NAP1L4: variants seen among roughly 807,000 people sequenced by gnomAD.
The protein encoded by NAP1L4 is nucleosome assembly protein 1 like 4.
A neutral mutation model predicts 58.2 loss-of-function variants in NAP1L4; 15 were observed. The ratio of observed to expected loss-of-function variants is 0.26; its 90% CI spans 0.17 to 0.40. NAP1L4 has a LOEUF of 0.40. NAP1L4 is among the 10% of genes least tolerant of loss of function. NAP1L4 has a pLI of 1.00. For synonymous variants in NAP1L4, 171 were observed against 155.6 expected (o/e 1.10, Z -0.74); for missense variants, 384 against 451.1 (o/e 0.85, Z 1.35).
In NAP1L4 at chr11:2,954,461, C is replaced by A; in HGVS notation, c.1035+66G>T. On this transcript the variant is annotated intron_variant, in intron 12 of 15. Coordinates refer to ENST00000380542, the MANE Select transcript of NAP1L4 (RefSeq NM_005969.4). This position sits in a 1 kb window ranked among gnomAD's most constrained non-coding sequence, Gnocchi z 4.8. ...CATGGGGGTTTCCTAAGCCACAATT[C>A]AGGGCCACTCTGCACCAACAGAGAT... is the stretch of plus-strand genomic sequence containing the variant. The A allele has an allele frequency of 6.2e-7, 1 of 1,610,036 alleles. No individual in the cohort carries two copies. Among genetic ancestry groups the A allele is most frequent in the Non-Finnish European group, 8.5e-7 (1 of 1,176,734 alleles).
rs997694548 is a variant in NAP1L4 at position 2,946,964 on chromosome 11, G to C, written c.*33-1318C>G. On this transcript the variant is annotated intron_variant, in intron 15 of 15. Coordinates refer to ENST00000380542, the MANE Select transcript of NAP1L4 (RefSeq NM_005969.4). The surrounding 1 kb of genome is among the most constrained non-coding windows in gnomAD (Gnocchi z 4.8). ...GACAAGCAGTGTGCCTCCACCAAGG[G>C]ACTCGCCTAGAAAATGGGATGTCAG... Among the ~76,000 whole-genome samples, 3 of 152,214 alleles carry C rather than the reference G, an allele frequency of 2.0e-5. No individual in the cohort carries two copies. The highest frequency in any genetic ancestry group is 2.9e-5 in the Non-Finnish European group (2 of 68,042).
chr11:2,984,229 C>T (rs370584136), intron 1 of NAP1L4, among the ~76,000 whole-genome samples: 10 of 150,892 alleles, frequency 6.6e-5, no homozygotes, highest in Non-Finnish European at 8.8e-5. Flanking sequence ...CTCACCACCA[C>T]GACCACAGCA....
At chr11:2,972,371 A>C in intron 4 of NAP1L4, 128 bp from the exon 5 acceptor site, 1 of 719,232 alleles carries the variant, frequency 1.4e-6, no homozygotes, top group East Asian at 3.3e-5. Context: ...AGACCTCTTA[A>C]AAATTAAGAA....
intron 1 of NAP1L4, chr11:2,988,037 G>A (rs1419678072): frequency 1.3e-5 from 2 of 152,232 alleles, no homozygotes; most frequent in African/African-American, 2.4e-5. Flanking sequence ...CACTGCCTTA[G>A]TCATTCATGT....
At chr11:2,990,416 T>G (rs910247342) in intron 1 of NAP1L4, 5 of 152,214 alleles carry the variant, frequency 3.3e-5, no homozygotes, top group Admixed American at 2.0e-4. Context: ...CCACGTTGCT[T>G]TCTCTGAACT....
At chr11:2,985,779 T>C (rs1237800648) in intron 1 of NAP1L4, among the ~76,000 whole-genome samples, 1 of 152,228 alleles carries the variant, frequency 6.6e-6, no homozygotes, top group Non-Finnish European at 1.5e-5. Context: ...TTTTCTAAAG[T>C]TCAGGTTCCC....
intron 12 of NAP1L4, chr11:2,952,845 G>A (rs1432397244): frequency 6.6e-6 from 1 of 152,306 alleles, no homozygotes; most frequent in Non-Finnish European, 1.5e-5. Context: ...CACCTGGGCA[G>A]AGCAGGAGCT....
intron 1 of NAP1L4, among the ~76,000 whole-genome samples, chr11:2,985,523 T>C (rs987484277): frequency 4.6e-5 from 7 of 152,222 alleles, no homozygotes; most frequent in East Asian, 3.8e-4. Flanking sequence ...CTGGTGACTA[T>C]AGTTAACAAC....
chr11:2,957,209 A>G (rs775357393), intron 10 of NAP1L4, among the ~76,000 whole-genome samples: 12 of 152,186 alleles, frequency 7.9e-5, no homozygotes, highest in Non-Finnish European at 1.3e-4. Context: ...TCCCTTCTTC[A>G]CGCTGAATTC....
intron 4 of NAP1L4, among the ~76,000 whole-genome samples, chr11:2,973,168 AG>A (rs1451889996): frequency 1.3e-5 from 2 of 152,240 alleles, no homozygotes; most frequent in Non-Finnish European, 2.9e-5. Flanking sequence ...AAAAAATCTG[AG>A]AAACACAGAC....
Position 2,951,049 on chromosome 11 carries a change from G to T in NAP1L4, c.1122+210C>A. ...AATAAGACACAGCTTGAGACAGCTG[G>T]AAAAGCTTCTACTGAGTATGTACAC... On this transcript the variant is annotated intron_variant, in intron 14 of 15. Transcript: ENST00000380542. The surrounding 1 kb of genome is among the most constrained non-coding windows in gnomAD (Gnocchi z 4.0). The T allele has an allele frequency of 1.9e-6, 1 of 527,486 alleles. No individual in the cohort carries two copies. Among genetic ancestry groups the T allele is most frequent in the East Asian group, 3.1e-5 (1 of 32,716 alleles). 32.7% of individuals were successfully genotyped at this position (527,486 alleles called of 1,614,324 possible).
chr11:2,981,461 A>C (rs1848307027), intron 1 of NAP1L4, among the ~76,000 whole-genome samples: 1 of 149,780 alleles, frequency 6.7e-6, no homozygotes, highest in Non-Finnish European at 1.5e-5. Context: ...TAAACCCTAC[A>C]ATGGCTGGCT....
At chr11:2,977,532 G>C (rs1224106492) in intron 3 of NAP1L4, among the ~76,000 whole-genome samples, 1 of 152,192 alleles carries the variant, frequency 6.6e-6, no homozygotes, top group African/African-American at 2.4e-5. Context: ...AAAAGGTAGG[G>C]AGATGACTCT....
chr11:2,947,285 T>C (rs779399650), intron 15 of NAP1L4, among the ~76,000 whole-genome samples: 1 of 152,206 alleles, frequency 6.6e-6, no homozygotes, highest in Non-Finnish European at 1.5e-5. Flanking sequence ...ACCACGAGAA[T>C]GTAGTATTCA....
At chr11:2,975,697 A>C (rs1443405891) in intron 4 of NAP1L4, among the ~76,000 whole-genome samples, 1 of 151,908 alleles carries the variant, frequency 6.6e-6, no homozygotes, top group Non-Finnish European at 1.5e-5. Flanking sequence ...TAAGTCAGGA[A>C]GGAGTGGTTC....
intron 4 of NAP1L4, among the ~76,000 whole-genome samples, chr11:2,973,668 G>A (rs940311979): frequency 4.6e-5 from 7 of 152,046 alleles, no homozygotes; most frequent in African/African-American, 2.4e-5. Flanking sequence ...TAACATTCTA[G>A]AACTACTGCT....
rs928397201 is a variant in NAP1L4 at position 2,958,523 on chromosome 11, T to C, written c.768A>G (p.Lys256=). The C allele has an allele frequency of 6.2e-7, 1 of 1,614,094 alleles. No homozygotes were observed. Among genetic ancestry groups the C allele is most frequent in the Non-Finnish European group, 8.5e-7 (1 of 1,180,004 alleles). The change falls in exon 10 of 16, where the codon AAA becomes AAG. Residue 256 remains lysine, a synonymous_variant. Coordinates refer to ENST00000380542, the MANE Select transcript of NAP1L4 (RefSeq NM_005969.4). ...DCDGCTIDWK[K]GKNVTVKTIK... ...TGGTTTTGACAGTAACATTCTTTCC[T>C]TTCTTCCAGTCAATAGTACACCTAC...
In NAP1L4 at chr11:2,954,882, G is replaced by A. The variant is rs1215170944; in HGVS notation, c.916-236C>T. The A allele has an allele frequency of 3.5e-6, 2 of 575,542 alleles. No homozygotes were observed. The highest frequency in any genetic ancestry group is 4.0e-5 in the South Asian group (2 of 49,896). 35.7% of individuals were successfully genotyped at this position (575,542 alleles called of 1,614,324 possible). A position where few individuals can be genotyped will look rare whatever the true frequency, so the allele number is the denominator to read the frequency against. On this transcript the variant is annotated intron_variant, in intron 11 of 15. Transcript: ENST00000380542. This position sits in a 1 kb window ranked among gnomAD's most constrained non-coding sequence, Gnocchi z 4.8. ...GAAAGTGGGAAGTGAGGGCCCTACA[G>A]CTCCACAACTTGTCCAAAGGTCTCA...
chr11:2,978,691 T>C (rs1848119414), intron 2 of NAP1L4, among the ~76,000 whole-genome samples: 1 of 152,226 alleles, frequency 6.6e-6, no homozygotes, highest in African/African-American at 2.4e-5. Flanking sequence ...ATGTTACTGT[T>C]TGGTCAGCTG....
Sources: gnomAD v4.1 joint callset for allele counts (sites outside exome capture counted in the v4.1 genomes callset) on GRCh38, gnomAD v4.1.1 for gene constraint, Gnocchi (gnomAD v3.1) non-coding constraint, MANE v1.5 for transcripts, NCBI Gene and HGNC (gene_info 2026-07-23, HGNC 2026-07-21) for gene names.